The following FAM184B variants were observed in gnomAD, a reference collection of about 807,000 sequenced individuals.
The protein encoded by FAM184B is protein FAM184B.
In FAM184B, 111 loss-of-function variants were observed where a neutral mutation model predicts 135.9. The ratio of observed to expected loss-of-function variants is 0.82; its 90% CI spans 0.70 to 0.96. The LOEUF is 0.96. Among genes scored for constraint, FAM184B ranks in the 40% least tolerant of loss-of-function variants. The probability of loss-of-function intolerance (pLI) is 0.00; values close to 1 mark genes in which losing one functional copy is unlikely to be tolerated. For missense variants in FAM184B, 1,375 were observed against 1,323.9 expected (o/e 1.04, Z -0.60); for synonymous variants, 552 against 524.8 (o/e 1.05, Z -0.71).
At chr4:17,747,737 C>T (rs895009518) in intron 1 of FAM184B, among the ~76,000 whole-genome samples, 11 of 151,306 alleles carry the variant, frequency 7.3e-5, no homozygotes, top group Non-Finnish European at 1.5e-4. Flanking sequence ...CTGGCTAACA[C>T]GATGAAACCC....
chr4:17,676,996 A>AC (rs1156835303), intron 7 of FAM184B, among the ~76,000 whole-genome samples: 1 of 152,214 alleles, frequency 6.6e-6, no homozygotes, highest in Non-Finnish European at 1.5e-5. Context: ...GTGACACACA[A>AC]CTGTATATCA....
At chr4:17,636,493 A>C (rs1313637167) in intron 15 of FAM184B, 35 bp downstream of exon 15, 11 of 1,510,410 alleles carry the variant, frequency 7.3e-6, no homozygotes, top group Non-Finnish European at 9.9e-6. Context: ...GTGCCCGGCC[A>C]GGTGCGTGGG....
chr4:17,754,630 G>A (rs1718380701), intron 1 of FAM184B, among the ~76,000 whole-genome samples: 1 of 151,320 alleles, frequency 6.6e-6, no homozygotes, highest in East Asian at 1.9e-4. Flanking sequence ...GACACATCCT[G>A]GGTGGAATAG....
intron 17 of FAM184B, 115 bp downstream of exon 17, chr4:17,633,571 AATC>A: frequency 1.1e-6 from 1 of 919,800 alleles, no homozygotes. Flanking sequence ...TCCCTTGTCT[AATC>A]ATCCATGAAA....
intron 7 of FAM184B, among the ~76,000 whole-genome samples, chr4:17,687,139 C>T (rs1274092639): frequency 1.3e-5 from 2 of 152,058 alleles, no homozygotes; most frequent in African/African-American, 4.8e-5. Flanking sequence ...GGGGCCTGAG[C>T]CCTGGAAGAT....
chr4:17,640,579 T>C (rs1033947869), intron 13 of FAM184B, among the ~76,000 whole-genome samples: 2 of 90,164 alleles, frequency 2.2e-5, no homozygotes, highest in Admixed American at 1.3e-4. Context: ...CTGACAAATA[T>C]TAAAAAAAAG....
At chr4:17,753,529 A>G (rs556138090) in intron 1 of FAM184B, among the ~76,000 whole-genome samples, 1 of 152,328 alleles carries the variant, frequency 6.6e-6, no homozygotes, top group South Asian at 2.1e-4. Flanking sequence ...CAATCAAGTA[A>G]TCTAGGGAAA....
intron 6 of FAM184B, among the ~76,000 whole-genome samples, chr4:17,690,836 A>G (rs553357918): frequency 6.6e-6 from 1 of 152,146 alleles, no homozygotes; most frequent in Admixed American, 6.5e-5. Context: ...CGTAGGACCC[A>G]CAGGACTTGA....
chr4:17,765,086 T>C (rs1718629933), intron 1 of FAM184B, among the ~76,000 whole-genome samples: 1 of 152,052 alleles, frequency 6.6e-6, no homozygotes, highest in Admixed American at 6.6e-5. Context: ...AGAAAGTAAT[T>C]CTGCCATTGT....
intron 10 of FAM184B, 103 bp from the exon 11 acceptor site, chr4:17,653,086 G>T (rs746790720): frequency 1.8e-6 from 2 of 1,120,686 alleles, no homozygotes; most frequent in Non-Finnish European, 1.3e-6. Flanking sequence ...CTGAACACTC[G>T]CACTCTCCCA....
intron 5 of FAM184B, among the ~76,000 whole-genome samples, chr4:17,700,236 G>A (rs114598783): frequency 1.2e-3 from 183 of 152,184 alleles, no homozygotes; most frequent in African/African-American, 4.1e-3. Context: ...CCTAAAAGGC[G>A]GAGATTGTCA....
At chr4:17,703,071 C>G (rs562303291) in intron 5 of FAM184B, among the ~76,000 whole-genome samples, 1 of 152,292 alleles carries the variant, frequency 6.6e-6, no homozygotes, top group East Asian at 1.9e-4. Flanking sequence ...TTCCTCAACT[C>G]TAAATGGGGA....
chr4:17,705,315 G>A (rs545625643), intron 4 of FAM184B, 109 bp from the exon 5 acceptor site: 2 of 807,532 alleles, frequency 2.5e-6, no homozygotes, highest in Non-Finnish European at 3.9e-6. Flanking sequence ...TGTTTTTACA[G>A]CATGTAGCAC....
At position 17,703,812 on chromosome 4, in the gene FAM184B, T is replaced by C. The variant is rs189164129; in HGVS notation, c.1377+1188A>G. On this transcript the variant is annotated intron_variant, in intron 5 of 17. Transcript: ENST00000265018. ...TGGGTGTGGTGGCACATGCCTGTGG[T>C]CCCAGCTACTTGGGAGGCTGAGGCA... Among the ~76,000 whole-genome samples the C allele has an allele frequency of 7.3e-5, 11 of 151,600 alleles. No individual in the cohort carries two copies. In the East Asian group the frequency reaches 2.2e-3, roughly 30 times the overall value.
chr4:17,677,327 C>T (rs971672059), intron 7 of FAM184B, among the ~76,000 whole-genome samples: 3 of 152,150 alleles, frequency 2.0e-5, no homozygotes, highest in African/African-American at 4.8e-5. Flanking sequence ...GGATTACAGG[C>T]GTAAGCCACT....
intron 16 of FAM184B, 76 bp from the exon 17 acceptor site, chr4:17,633,964 T>G: frequency 8.5e-7 from 1 of 1,176,598 alleles, no homozygotes; most frequent in Non-Finnish European, 1.1e-6. Context: ...AAGCAAATAA[T>G]GCTCACCCAA....
At chr4:17,763,715 A>G (rs1718596299) in intron 1 of FAM184B, among the ~76,000 whole-genome samples, 6 of 152,136 alleles carry the variant, frequency 3.9e-5, no homozygotes, top group Admixed American at 2.6e-4. Context: ...CTTCTCCCAC[A>G]TAAAGAGCTG....
chr4:17,706,088 A>G (rs1186028892), intron 3 of FAM184B, among the ~76,000 whole-genome samples, 197 bp from the exon 4 acceptor site: 1 of 152,242 alleles, frequency 6.6e-6, no homozygotes. Context: ...AAGCCTCGTG[A>G]GCTTAAATAA....
intron 6 of FAM184B, among the ~76,000 whole-genome samples, chr4:17,690,223 T>C (rs1002555893): frequency 2.0e-5 from 3 of 151,910 alleles, no homozygotes; most frequent in African/African-American, 7.3e-5. Context: ...CACTGAAGGA[T>C]GAACAGGAGT....
Sources: allele counts gnomAD v4.1 joint callset (sites outside exome capture counted in the v4.1 genomes callset), GRCh38; gene constraint gnomAD v4.1.1; transcripts MANE v1.5; gene names NCBI Gene and HGNC (gene_info 2026-07-23, HGNC 2026-07-21).